Variants in DOCK2 observed in about 807,000 individuals in gnomAD.
The protein encoded by DOCK2 is dedicator of cytokinesis 2.
DOCK2 carries 87 observed loss-of-function variants against 248.9 expected under a neutral mutation model. The observed-to-expected ratio is 0.35, with a 90% confidence interval of 0.29 to 0.42. DOCK2 has a LOEUF of 0.42. Among genes scored for constraint, DOCK2 ranks in the 10% least tolerant of loss-of-function variants. The probability of loss-of-function intolerance (pLI) is 1.00; values close to 1 mark genes in which losing one functional copy is unlikely to be tolerated. For missense variants in DOCK2, 1,747 were observed against 2,300.2 expected (o/e 0.76, Z 4.92); for synonymous variants, 805 against 821.6 (o/e 0.98, Z 0.35).
chr5:170,007,862 C>A (rs138313350), intron 30 of DOCK2, among the ~76,000 whole-genome samples: 3 of 152,164 alleles, frequency 2.0e-5, no homozygotes, highest in African/African-American at 7.2e-5. Context: ...CTAGGTCCCA[C>A]CCCCAGAGGT....
chr5:169,834,640 G>A (rs565852377), intron 26 of DOCK2, among the ~76,000 whole-genome samples: 1 of 141,058 alleles, frequency 7.1e-6, no homozygotes, highest in East Asian at 2.2e-4. Context: ...TCACCCTGTA[G>A]TAAGCTCACA....
intron 32 of DOCK2, among the ~76,000 whole-genome samples, chr5:170,013,052 C>G (rs1237732893): frequency 4.6e-5 from 7 of 151,790 alleles, no homozygotes; most frequent in Admixed American, 3.9e-4. Context: ...GGAGTTCAGG[C>G]CAAAAGGGAT....
At chr5:169,784,318 C>A (rs533139109) in intron 25 of DOCK2, among the ~76,000 whole-genome samples, 1 of 152,194 alleles carries the variant, frequency 6.6e-6, no homozygotes, top group South Asian at 2.1e-4. Context: ...AAAACACAGA[C>A]GGGAAAAGTT....
intron 26 of DOCK2, among the ~76,000 whole-genome samples, chr5:169,809,581 G>A (rs11952000): frequency 0.02 from 3,071 of 152,236 alleles, 46 homozygotes; most frequent in Middle Eastern, 0.048. Flanking sequence ...GTCATTTTGT[G>A]TTACTCTCTC....
rs915996479 is a variant in DOCK2, at chr5:169,841,433, C to G, written c.2799+581C>G. 5.1e-6 allele frequency: 5 copies of G among 985,706 alleles called. No individual in the cohort carries two copies. In the African/African-American group the frequency reaches 8.7e-5, roughly 17 times the overall value. 61.1% of individuals were successfully genotyped at this position (985,706 alleles called of 1,614,324 possible). On this transcript the variant is annotated intron_variant, in intron 27 of 51. Coordinates refer to ENST00000520908, the MANE Select transcript of DOCK2 (RefSeq NM_004946.3). ...CTCGAACCCTTTAACCTCTGCCCAT[C>G]GTGCTTTAAACCAAGGACCCAAAAT...
chr5:169,760,385 A>G (rs991485602), intron 24 of DOCK2, among the ~76,000 whole-genome samples: 6 of 152,240 alleles, frequency 3.9e-5, no homozygotes, highest in African/African-American at 1.4e-4. Flanking sequence ...GAGAGTTATC[A>G]TATGCCCTTC....
At chr5:169,934,602 C>A (rs762493553) in intron 27 of DOCK2, 3 of 455,674 alleles carry the variant, frequency 6.6e-6, no homozygotes, top group East Asian at 6.9e-5. Context: ...GGCTGTCTGA[C>A]CTTGGGCAAG....
chr5:169,864,430 C>A (rs372380428), intron 27 of DOCK2: 5 of 1,546,960 alleles, frequency 3.2e-6, no homozygotes, highest in Non-Finnish European at 4.4e-6. Flanking sequence ...ATGGAACCTG[C>A]CTTCCTGCTG....
intron 29 of DOCK2, among the ~76,000 whole-genome samples, chr5:169,992,589 C>T (rs1166639182): frequency 1.3e-5 from 2 of 152,048 alleles, no homozygotes; most frequent in African/African-American, 2.4e-5. Flanking sequence ...CTCAGCCTCC[C>T]GAGTAGCTGG....
intron 40 of DOCK2, among the ~76,000 whole-genome samples, chr5:170,048,373 T>G (rs547063204): frequency 2.6e-5 from 4 of 152,086 alleles, no homozygotes; most frequent in African/African-American, 9.6e-5. Flanking sequence ...CCAGCCTGGG[T>G]AACAAAGAGA....
intron 27 of DOCK2, among the ~76,000 whole-genome samples, chr5:169,842,227 G>T (rs954164905): frequency 2.6e-5 from 4 of 152,188 alleles, no homozygotes; most frequent in Non-Finnish European, 5.9e-5. Flanking sequence ...TTACACAGTG[G>T]TGACATCCGT....
At chr5:169,769,902 G>C (rs1764993799) in intron 25 of DOCK2, among the ~76,000 whole-genome samples, 1 of 152,200 alleles carries the variant, frequency 6.6e-6, no homozygotes, top group African/African-American at 2.4e-5. Flanking sequence ...TTAAGGATAA[G>C]GGAAGTTGTA....
intron 30 of DOCK2, among the ~76,000 whole-genome samples, chr5:169,998,676 G>T (rs545007477): frequency 2.6e-5 from 4 of 152,328 alleles, no homozygotes; most frequent in African/African-American, 9.6e-5. Context: ...TCAATGCAAA[G>T]TTGGGACCAG....
At chr5:169,930,332 A>G (rs1402145081) in intron 27 of DOCK2, among the ~76,000 whole-genome samples, 1 of 152,214 alleles carries the variant, frequency 6.6e-6, no homozygotes, top group African/African-American at 2.4e-5. Flanking sequence ...TGGTTAAAGC[A>G]GGACTTCAGA....
chr5:170,082,406 A>G (rs894131268), intron 51 of DOCK2, among the ~76,000 whole-genome samples: 1 of 152,234 alleles, frequency 6.6e-6, no homozygotes, highest in Non-Finnish European at 1.5e-5. Flanking sequence ...AGAAGGTACC[A>G]TAACACATCT....
At chr5:169,741,646 T>C (rs977451441) in intron 22 of DOCK2, among the ~76,000 whole-genome samples, 2 of 152,136 alleles carry the variant, frequency 1.3e-5, no homozygotes, top group African/African-American at 4.8e-5. Flanking sequence ...GTTTTAGAGC[T>C]TGAATAGAAA....
At chr5:169,773,074 C>G (rs576701913) in intron 25 of DOCK2, 27 of 152,342 alleles carry the variant, frequency 1.8e-4, no homozygotes, top group African/African-American at 6.0e-4. Flanking sequence ...CCATAGCCAG[C>G]ACCAAAACGT....
At chr5:170,059,705 G>A (rs1757261805) in intron 44 of DOCK2, among the ~76,000 whole-genome samples, 1 of 152,098 alleles carries the variant, frequency 6.6e-6, no homozygotes, top group African/African-American at 2.4e-5. Context: ...ATAGTCCCTG[G>A]CCCACAACTG....
intron 20 of DOCK2, 144 bp from the exon 21 acceptor site, chr5:169,717,240 C>A: frequency 1.6e-6 from 1 of 631,314 alleles, no homozygotes; most frequent in East Asian, 2.8e-5. Flanking sequence ...TGGGAAGATG[C>A]TACCTTAATA....
Sources: allele counts gnomAD v4.1 joint callset (sites outside exome capture counted in the v4.1 genomes callset), GRCh38; gene constraint gnomAD v4.1.1; transcripts MANE v1.5; gene names NCBI Gene and HGNC (gene_info 2026-07-23, HGNC 2026-07-21).